The following BNC2 variants were observed in gnomAD, a reference collection of about 807,000 sequenced individuals.
BNC2 encodes zinc finger protein basonuclin-2.
BNC2 carries 20 observed loss-of-function variants against 76.3 expected under a neutral mutation model. The observed-to-expected ratio is 0.26, with a 90% CI of 0.18 to 0.38. The LOEUF (loss-of-function observed/expected upper bound fraction) is 0.38, where lower values mean the gene tolerates loss of function less well. Ranked by LOEUF, BNC2 falls within the 10% of genes least tolerant of loss-of-function variation. The pLI is 1.00. For missense variants in BNC2, 1,382 were observed against 1,399.8 expected (o/e 0.99, Z 0.20); for synonymous variants, 582 against 514.8 (o/e 1.13, Z -1.77).
chr9:16,681,504 G>C (rs1247159953), intron 3 of BNC2, among the ~76,000 whole-genome samples: 1 of 152,094 alleles, frequency 6.6e-6, no homozygotes, highest in Non-Finnish European at 1.5e-5. Flanking sequence ...GCAATCATTT[G>C]TCAATAGCTG....
At chr9:16,495,319 T>C (rs1372483120) in intron 5 of BNC2, among the ~76,000 whole-genome samples, 1 of 152,162 alleles carries the variant, frequency 6.6e-6, no homozygotes, top group Non-Finnish European at 1.5e-5. Context: ...CGACATAAAA[T>C]GAAACACTTT....
At chr9:16,507,746 T>C (rs1438989871) in intron 5 of BNC2, among the ~76,000 whole-genome samples, 2 of 152,112 alleles carry the variant, frequency 1.3e-5, no homozygotes, top group East Asian at 3.9e-4. Flanking sequence ...CTTCTACGCT[T>C]CCATTCAACA....
chr9:16,820,841 G>A (rs1308140700), intron 1 of BNC2, among the ~76,000 whole-genome samples: 2 of 151,812 alleles, frequency 1.3e-5, no homozygotes, highest in African/African-American at 4.8e-5. Context: ...AAGTGGATTA[G>A]TATTCAATTA....
chr9:16,485,087 C>G (rs1322603742), intron 5 of BNC2, among the ~76,000 whole-genome samples: 2 of 129,580 alleles, frequency 1.5e-5, no homozygotes, highest in Non-Finnish European at 3.1e-5. Flanking sequence ...AGAAATTACA[C>G]ACACACACAC....
intron 1 of BNC2, among the ~76,000 whole-genome samples, chr9:16,776,566 A>G (rs769328095): frequency 6.6e-6 from 1 of 152,242 alleles, no homozygotes; most frequent in Non-Finnish European, 1.5e-5. Context: ...ATTTAAAATA[A>G]CTTCAGAAAT....
At chr9:16,809,223 A>G (rs34424668) in intron 1 of BNC2, among the ~76,000 whole-genome samples, 2 of 152,172 alleles carry the variant, frequency 1.3e-5, no homozygotes, top group African/African-American at 4.8e-5. Context: ...AGAACTGTTG[A>G]CAATGAGATA....
intron 1 of BNC2, among the ~76,000 whole-genome samples, chr9:16,852,880 C>A (rs755356104): frequency 6.6e-6 from 1 of 152,128 alleles, no homozygotes; most frequent in Non-Finnish European, 1.5e-5. Context: ...AGTTCTATGG[C>A]CTGTGGAAAA....
rs1443623674 is a variant in BNC2 at position 16,464,933 on chromosome 9, A to G, written c.670-27409T>C. Among the ~76,000 whole-genome samples the G allele has an allele frequency of 3.9e-5, 6 of 152,342 alleles. No individual in the cohort carries two copies. In the South Asian group the frequency reaches 1.0e-3, roughly 26 times the overall value. ...TTACACCTAAATAAATTAGGAAGTG[A>G]TAGCTCCTCCTATGGCCTTTCCAAT... On this transcript the variant is annotated intron_variant, in intron 5 of 6. Transcript: ENST00000380672.
intron 3 of BNC2, among the ~76,000 whole-genome samples, chr9:16,666,240 C>A (rs147326186): frequency 3.7e-4 from 56 of 152,248 alleles, no homozygotes; most frequent in African/African-American, 1.3e-3. Flanking sequence ...TATAGTTTGC[C>A]AGAGGGCATC....
intron 1 of BNC2, among the ~76,000 whole-genome samples, chr9:16,771,395 A>G (rs1042029495): frequency 3.3e-5 from 5 of 152,190 alleles, no homozygotes; most frequent in African/African-American, 4.8e-5. Context: ...GTTCCCAGGT[A>G]TGTGAGATCA....
chr9:16,767,389 T>C (rs1314858763), intron 1 of BNC2, among the ~76,000 whole-genome samples: 3 of 152,224 alleles, frequency 2.0e-5, no homozygotes, highest in East Asian at 1.9e-4. Flanking sequence ...TTACATACAA[T>C]GTGAAAGGCC....
intron 5 of BNC2, among the ~76,000 whole-genome samples, chr9:16,519,895 G>T (rs1817561504): frequency 6.6e-6 from 1 of 152,162 alleles, no homozygotes; most frequent in Non-Finnish European, 1.5e-5. Context: ...TGTTCCAGTG[G>T]AGGACAGATG....
intron 6 of BNC2, among the ~76,000 whole-genome samples, chr9:16,425,957 A>G (rs1820796702): frequency 6.6e-6 from 1 of 152,216 alleles, no homozygotes; most frequent in Non-Finnish European, 1.5e-5. Context: ...TGTATCTGAG[A>G]CATCGAGGCT....
At chr9:16,462,575 C>T (rs576082003) in intron 5 of BNC2, among the ~76,000 whole-genome samples, 1 of 152,216 alleles carries the variant, frequency 6.6e-6, no homozygotes, top group South Asian at 2.1e-4. Context: ...GAAAAAACTC[C>T]ACATAATGGA....
At chr9:16,510,623 C>G (rs1304533376) in intron 5 of BNC2, among the ~76,000 whole-genome samples, 2 of 152,182 alleles carry the variant, frequency 1.3e-5, no homozygotes, top group Non-Finnish European at 2.9e-5. Flanking sequence ...GGTCAGAAAT[C>G]AACAGATAAG....
At chr9:16,591,660 C>G (rs946756513) in intron 3 of BNC2, among the ~76,000 whole-genome samples, 1 of 152,068 alleles carries the variant, frequency 6.6e-6, no homozygotes, top group Non-Finnish European at 1.5e-5. Context: ...GCATGTTAAA[C>G]CATAGTGCAA....
intron 1 of BNC2, among the ~76,000 whole-genome samples, chr9:16,858,845 C>T (rs1335268235): frequency 1.6e-5 from 2 of 125,434 alleles, no homozygotes; most frequent in Non-Finnish European, 3.3e-5. Flanking sequence ...GACTCCATCT[C>T]AAAAAAAAAA....
At chr9:16,812,694 G>T (rs1342139248) in intron 1 of BNC2, among the ~76,000 whole-genome samples, 3 of 152,138 alleles carry the variant, frequency 2.0e-5, no homozygotes, top group Admixed American at 1.3e-4. Context: ...AACTACAGCT[G>T]CACAGGTTGA....
intron 6 of BNC2, chr9:16,434,887 T>C (rs1820973440): frequency 2.2e-6 from 1 of 462,254 alleles, no homozygotes; most frequent in African/African-American, 2.0e-5. Flanking sequence ...ATTATGAAGT[T>C]AAGATAAAGA....
Sources: allele counts gnomAD v4.1 joint callset (sites outside exome capture counted in the v4.1 genomes callset), GRCh38; gene constraint gnomAD v4.1.1; transcripts MANE v1.5; gene names NCBI Gene and HGNC (gene_info 2026-07-23, HGNC 2026-07-21).